The following FBRSL1 variants were observed in gnomAD, a reference collection of about 807,000 sequenced individuals.
FBRSL1 encodes the protein fibrosin-1-like protein.
Under a neutral mutation model 89.6 loss-of-function variants are expected in FBRSL1, and 51 were observed. That is an observed-to-expected ratio of 0.57 (90% confidence interval 0.45 to 0.72). The LOEUF is 0.72. Among genes scored for constraint, FBRSL1 ranks in the 30% least tolerant of loss-of-function variants. The pLI is 0.00. For synonymous variants in FBRSL1, 779 were observed against 681.1 expected (o/e 1.14, Z -2.24); for missense variants, 1,618 against 1,451.8 (o/e 1.11, Z -1.86).
intron 1 of FBRSL1, among the ~76,000 whole-genome samples, chr12:132,495,584 A>C (rs541635646): frequency 4.6e-5 from 7 of 152,196 alleles, no homozygotes; most frequent in Admixed American, 2.0e-4. Flanking sequence ...AGGCACAGAG[A>C]GGGGAAGTGC....
chr12:132,538,598 G>A (rs546063508), intron 4 of FBRSL1, among the ~76,000 whole-genome samples: 114 of 152,348 alleles, frequency 7.5e-4, no homozygotes, highest in South Asian at 1.0e-3. Context: ...GCAGGCGGGC[G>A]CACAGCCCAT....
intron 2 of FBRSL1, chr12:132,511,803 A>G (rs2034371297): frequency 1.0e-6 from 1 of 985,256 alleles, no homozygotes; most frequent in Non-Finnish European, 1.2e-6. Flanking sequence ...CCTCTGGTGC[A>G]GCATCTGCTT....
intron 2 of FBRSL1, among the ~76,000 whole-genome samples, chr12:132,513,892 G>A (rs765091853): frequency 7.9e-5 from 12 of 152,188 alleles, no homozygotes; most frequent in African/African-American, 2.2e-4. Context: ...GGGTGTGAGC[G>A]TGGGTGGGCT....
chr12:132,497,157 A>G (rs563463351), intron 1 of FBRSL1, among the ~76,000 whole-genome samples: 6 of 152,338 alleles, frequency 3.9e-5, no homozygotes, highest in South Asian at 2.1e-4. Context: ...TCAAAATGGC[A>G]TAAGAATTTA....
In FBRSL1 at chr12:132,572,278, T is replaced by C; in HGVS notation, c.1378-10T>C. 6.4e-7 allele frequency: 1 copy of C among 1,550,722 alleles called. No individual in the cohort carries two copies. The highest frequency in any genetic ancestry group is 8.7e-7 in the Non-Finnish European group (1 of 1,146,578). On this transcript the variant is annotated splice_polypyrimidine_tract_variant and intron_variant, in intron 9 of 18. Transcript: ENST00000680143. ...GTGCGGGGCCTCACCCTCCTCTCCT[T>C]CCCTTCCAGTTTGACAAGTATGCGC...
intron 2 of FBRSL1, chr12:132,509,309 GCAGCCCTGC>G (rs1044569838): frequency 3.2e-6 from 4 of 1,248,904 alleles, no homozygotes; most frequent in Non-Finnish European, 4.0e-6. Flanking sequence ...CGGACCCTGG[GCAGCCCTGC>G]CAGCCCTCCC....
chr12:132,583,222 G>GCGGGGAGGA lies in FBRSL1; in HGVS notation c.2456_2464dup (p.Gly819_Asp821dup), dbSNP rs2040911181. ...GGAGACGTGAAGGTCAAGGAGGAGC[G>GCGGGGAGGA]CGGGGAGGACGAGGCCTCCGAGCCC... On this transcript the variant is annotated inframe_insertion, in exon 19 of 19. Coordinates refer to ENST00000680143, the MANE Select transcript of FBRSL1 (RefSeq NM_001367871.1). The GCGGGGAGGA allele has an allele frequency of 7.1e-7, 1 of 1,409,754 alleles. No individual in the cohort carries two copies. Among genetic ancestry groups the GCGGGGAGGA allele is most frequent in the East Asian group, 3.3e-5 (1 of 29,912 alleles). The allele number at this position is 1,409,754 out of a possible 1,614,324, so 87.3% of individuals were successfully genotyped here.
chr12:132,571,999 A>G, intron 9 of FBRSL1: 1 of 506,584 alleles, frequency 2.0e-6, no homozygotes, highest in Non-Finnish European at 3.5e-6. Flanking sequence ...CCCAGCAGCC[A>G]GGGCTTCACG....
chr12:132,536,764 GGTGT>G (rs1225000689), intron 4 of FBRSL1, among the ~76,000 whole-genome samples: 5 of 152,012 alleles, frequency 3.3e-5, no homozygotes, highest in Admixed American at 1.3e-4. Context: ...TGTATATGAT[GGTGT>G]GTGTGAGTGC....
chr12:132,548,957 G>T (rs1472334970), intron 5 of FBRSL1, among the ~76,000 whole-genome samples: 1 of 152,230 alleles, frequency 6.6e-6, no homozygotes, highest in Admixed American at 6.5e-5. Context: ...GTTCCATGAG[G>T]GGTCTGCACA....
chr12:132,576,683 C>A, intron 14 of FBRSL1, 116 bp from the exon 15 acceptor site: 1 of 1,212,074 alleles, frequency 8.3e-7, no homozygotes, highest in Non-Finnish European at 1.1e-6. Flanking sequence ...ATCCATCCCA[C>A]CTGCTCCCCT....
intron 2 of FBRSL1, among the ~76,000 whole-genome samples, chr12:132,512,388 C>T (rs958216595): frequency 7.2e-5 from 11 of 152,236 alleles, no homozygotes; most frequent in African/African-American, 1.9e-4. Flanking sequence ...GTTCTGCTCA[C>T]GGAAGGCCGG....
chr12:132,498,602 AC>A (rs1326282551), intron 1 of FBRSL1, among the ~76,000 whole-genome samples: 1 of 152,192 alleles, frequency 6.6e-6, no homozygotes, highest in Non-Finnish European at 1.5e-5. Context: ...CTCCTGCTCT[AC>A]AGCCTGGAAT....
chr12:132,497,246 A>G (rs900757867), intron 1 of FBRSL1, among the ~76,000 whole-genome samples: 1 of 152,176 alleles, frequency 6.6e-6, no homozygotes, highest in South Asian at 2.1e-4. Context: ...AGAGACCCCA[A>G]GTCAGCATGG....
intron 5 of FBRSL1, among the ~76,000 whole-genome samples, chr12:132,566,592 TG>T (rs1421961300): frequency 1.5e-5 from 1 of 64,654 alleles, no homozygotes; most frequent in Non-Finnish European, 2.8e-5. Flanking sequence ...CGAGTTTCTC[TG>T]GAAGAGATGG....
At chr12:132,498,452 G>T (rs1201164573) in intron 1 of FBRSL1, among the ~76,000 whole-genome samples, 1 of 152,094 alleles carries the variant, frequency 6.6e-6, no homozygotes, top group Admixed American at 6.5e-5. Flanking sequence ...TGTGGCTGCC[G>T]ACCCCTCCCG....
chr12:132,581,720 G>GT, intron 16 of FBRSL1, 21 bp from the exon 17 acceptor site: 1 of 1,549,786 alleles, frequency 6.5e-7, no homozygotes, highest in Non-Finnish European at 8.7e-7. Context: ...AGACCTCTGG[G>GT]TCCCGCGGTT....
chr12:132,582,519 C>A (rs2040844735), intron 18 of FBRSL1, among the ~76,000 whole-genome samples: 1 of 151,872 alleles, frequency 6.6e-6, no homozygotes, highest in South Asian at 2.1e-4. Context: ...AAGCTCTGCT[C>A]CCCGGCGACT....
intron 1 of FBRSL1, chr12:132,507,098 A>C: frequency 1.5e-6 from 1 of 669,532 alleles, no homozygotes; most frequent in Non-Finnish European, 1.8e-6. Context: ...CCTTCTCCCC[A>C]GGGACACCAT....
Sources: allele counts gnomAD v4.1 joint callset (sites outside exome capture counted in the v4.1 genomes callset), GRCh38; gene constraint gnomAD v4.1.1; transcripts MANE v1.5; gene names NCBI Gene and HGNC (gene_info 2026-07-23, HGNC 2026-07-21).